Variants in LRFN2 observed in about 807,000 individuals in gnomAD.
The protein encoded by LRFN2 is leucine rich repeat and fibronectin type III domain containing 2, also known as leucine-rich repeat and fibronectin type-III domain-containing protein 2.
Under a neutral mutation model 37.3 loss-of-function variants are expected in LRFN2, and 18 were observed. The observed-to-expected ratio is 0.48, with a 90% CI of 0.33 to 0.72. The LOEUF (loss-of-function observed/expected upper bound fraction) is 0.72. LRFN2 is among the 30% of genes least tolerant of loss of function. The pLI, the probability that LRFN2 is intolerant of heterozygous loss-of-function variation, is 0.02. For synonymous variants in LRFN2, 556 were observed against 466.6 expected (o/e 1.19, Z -2.47); for missense variants, 1,006 against 1,060.7 (o/e 0.95, Z 0.72).
chr6:40,421,251 G>A (rs1206850614), intron 2 of LRFN2, among the ~76,000 whole-genome samples: 1 of 152,228 alleles, frequency 6.6e-6, no homozygotes, highest in Non-Finnish European at 1.5e-5. Context: ...ACTCACAAAA[G>A]TATCTGATAG....
At chr6:40,418,661 T>C (rs998939746) in intron 2 of LRFN2, among the ~76,000 whole-genome samples, 29 of 152,124 alleles carry the variant, frequency 1.9e-4, no homozygotes, top group Non-Finnish European at 4.1e-4. Context: ...ACAGCACTTG[T>C]TCCAAGCTCA....
intron 1 of LRFN2, among the ~76,000 whole-genome samples, chr6:40,475,310 G>C (rs1764685082): frequency 6.6e-6 from 1 of 152,192 alleles, no homozygotes; most frequent in Non-Finnish European, 1.5e-5. Context: ...AGCCCAGTAG[G>C]GCCCCTGGAG....
At chr6:40,548,141 G>A (rs1348929023) in intron 1 of LRFN2, among the ~76,000 whole-genome samples, 1 of 152,012 alleles carries the variant, frequency 6.6e-6, no homozygotes, top group Non-Finnish European at 1.5e-5. Flanking sequence ...GTAAAACTAG[G>A]GATAAAAATA....
At chr6:40,500,407 G>A (rs774728607) in intron 1 of LRFN2, among the ~76,000 whole-genome samples, 2 of 152,222 alleles carry the variant, frequency 1.3e-5, no homozygotes, top group African/African-American at 2.4e-5. Context: ...ACTTCAGGCC[G>A]AGGGGCAGGC....
chr6:40,405,675 G>C (rs1762830651), intron 2 of LRFN2, among the ~76,000 whole-genome samples: 1 of 152,136 alleles, frequency 6.6e-6, no homozygotes. Context: ...TGGCTGGGCT[G>C]GCAGGGAGGC....
chr6:40,427,898 A>G (rs1281149996), intron 2 of LRFN2, among the ~76,000 whole-genome samples: 1 of 152,200 alleles, frequency 6.6e-6, no homozygotes, highest in East Asian at 1.9e-4. Flanking sequence ...CAGAACTCAT[A>G]GACGGCACTG....
chr6:40,461,574 C>T (rs1434470036), intron 1 of LRFN2, among the ~76,000 whole-genome samples: 2 of 146,834 alleles, frequency 1.4e-5, no homozygotes, highest in Non-Finnish European at 3.0e-5. Context: ...CCCCAGCCAC[C>T]CCCCTCCCCC....
intron 1 of LRFN2, among the ~76,000 whole-genome samples, chr6:40,459,334 T>G (rs1484368912): frequency 6.6e-6 from 1 of 152,182 alleles, no homozygotes; most frequent in African/African-American, 2.4e-5. Context: ...CAGAGGAACT[T>G]CAATTGTGAG....
intron 1 of LRFN2, among the ~76,000 whole-genome samples, chr6:40,437,126 G>A (rs1763701034): frequency 1.3e-5 from 2 of 152,136 alleles, no homozygotes; most frequent in Admixed American, 6.5e-5. Flanking sequence ...ACATTTTCAA[G>A]TCCTGGCACA....
chr6:40,458,381 A>G (rs1205282482), intron 1 of LRFN2, among the ~76,000 whole-genome samples: 1 of 152,184 alleles, frequency 6.6e-6, no homozygotes, highest in Non-Finnish European at 1.5e-5. Flanking sequence ...GGATACTTTT[A>G]TTTTAAAAAA....
At chr6:40,477,525 G>A (rs1389064618) in intron 1 of LRFN2, among the ~76,000 whole-genome samples, 3 of 152,202 alleles carry the variant, frequency 2.0e-5, no homozygotes, top group Admixed American at 6.5e-5. Flanking sequence ...TTTCAATAAA[G>A]ATTTGTTGGT....
At chr6:40,450,676 G>T (rs1388819530) in intron 1 of LRFN2, among the ~76,000 whole-genome samples, 2 of 152,232 alleles carry the variant, frequency 1.3e-5, no homozygotes, top group Non-Finnish European at 2.9e-5. Flanking sequence ...CCATCTATTT[G>T]CTGACAGAAC....
At chr6:40,393,373 C>G (rs1259657971) in intron 2 of LRFN2, among the ~76,000 whole-genome samples, 2 of 151,282 alleles carry the variant, frequency 1.3e-5, no homozygotes, top group African/African-American at 4.9e-5. Context: ...AGAGAAAATC[C>G]AGATATATGG....
intron 1 of LRFN2, among the ~76,000 whole-genome samples, chr6:40,478,076 G>C (rs79137408): frequency 6.6e-6 from 1 of 152,078 alleles, no homozygotes; most frequent in South Asian, 2.1e-4. Flanking sequence ...GGGATAAGCC[G>C]GCACCAGGGG....
intron 1 of LRFN2, among the ~76,000 whole-genome samples, chr6:40,442,742 A>T (rs931871994): frequency 2.6e-5 from 4 of 152,122 alleles, no homozygotes; most frequent in Non-Finnish European, 4.4e-5. Context: ...TCTGAGGCTG[A>T]CATGAGCAAT....
chr6:40,533,706 G>A (rs1273502476), intron 1 of LRFN2, among the ~76,000 whole-genome samples: 3 of 152,140 alleles, frequency 2.0e-5, no homozygotes, highest in African/African-American at 7.2e-5. Context: ...TCCTGATAGA[G>A]GAGACTTGAC....
chr6:40,392,278 G>C lies in LRFN2; in HGVS notation c.2035C>G (p.Pro679Ala). Residue 679 changes from proline to alanine, a missense_variant, in exon 3 of 3, where the codon CCA becomes GCA. This residue lies in a region of LRFN2 where 398 missense variants were observed against 327.6 expected (regional missense o/e 1.21). Transcript: ENST00000338305. This position sits in a 1 kb window ranked among gnomAD's most constrained non-coding sequence, Gnocchi z 4.7. ...RKEELLDSRTPAGRGAGTSAR... is the reference protein window; with the variant it reads ...RKEELLDSRTAAGRGAGTSAR... Reference sequence around the variant, plus strand: ...GACGTCCCAGCCCCTCTCCCGGCTGGAGTCCTGGAGTCCAGCAGCTCCTCC... The same window carrying C: ...GACGTCCCAGCCCCTCTCCCGGCTGCAGTCCTGGAGTCCAGCAGCTCCTCC... The C allele has an allele frequency of 6.2e-7, 1 of 1,603,028 alleles. No homozygotes were observed. Among genetic ancestry groups the C allele is most frequent in the Non-Finnish European group, 8.5e-7 (1 of 1,175,782 alleles).
intron 1 of LRFN2, among the ~76,000 whole-genome samples, chr6:40,579,711 T>C (rs1235675546): frequency 6.6e-6 from 1 of 151,962 alleles, no homozygotes; most frequent in African/African-American, 2.4e-5. Flanking sequence ...AATCAAGTCC[T>C]GGGGTCCACA....
intron 1 of LRFN2, among the ~76,000 whole-genome samples, chr6:40,551,758 G>A (rs1268283343): frequency 1.3e-5 from 2 of 152,160 alleles, no homozygotes; most frequent in Admixed American, 6.5e-5. Context: ...ACCTAGCAAC[G>A]CACAGTGATT....
Sources: gnomAD v4.1 joint callset for allele counts (sites outside exome capture counted in the v4.1 genomes callset) on GRCh38, gnomAD v4.1.1 for gene constraint, gnomAD v4.1.1 regional missense constraint, Gnocchi (gnomAD v3.1) non-coding constraint, MANE v1.5 for transcripts, NCBI Gene and HGNC (gene_info 2026-07-23, HGNC 2026-07-21) for gene names.